UNC79: variants seen among roughly 807,000 people sequenced by gnomAD.
The protein encoded by UNC79 is unc-79 subunit of NALCN channel complex.
UNC79 carries 37 observed loss-of-function variants against 283.1 expected under a neutral mutation model. The observed-to-expected ratio is 0.13, with a 90% CI of 0.10 to 0.17. The LOEUF is 0.17. Ranked by LOEUF, UNC79 falls within the 10% of genes least tolerant of loss-of-function variation. UNC79 has a pLI of 1.00. For synonymous variants in UNC79, 1,107 were observed against 1,200.2 expected, an observed-to-expected ratio of 0.92 and a Z score of 1.61; for missense variants, 2,272 against 3,211.1, an observed-to-expected ratio of 0.71 and a Z score of 7.07.
At chr14:93,407,945 T>G (rs1006006849) in intron 1 of UNC79, among the ~76,000 whole-genome samples, 1 of 152,186 alleles carries the variant, frequency 6.6e-6, no homozygotes, top group Non-Finnish European at 1.5e-5. Context: ...CCTACAGTTA[T>G]AGCCAACATT....
chr14:93,526,447 C>T (rs8018060), intron 8 of UNC79, among the ~76,000 whole-genome samples: 69 of 152,162 alleles, frequency 4.5e-4, no homozygotes, highest in African/African-American at 6.3e-4. Context: ...ATCAGTAATA[C>T]TTATCATGGT....
At chr14:93,374,433 C>T (rs371623790) in intron 1 of UNC79, among the ~76,000 whole-genome samples, 8 of 152,306 alleles carry the variant, frequency 5.3e-5, no homozygotes, top group Admixed American at 2.0e-4. Flanking sequence ...GCTGGGTTTC[C>T]GACTTGCTTG....
In UNC79 at chr14:93,447,069, T is replaced by C. The variant is rs74374125; in HGVS notation, c.22+16018T>C. 4.9e-3 allele frequency among the ~76,000 whole-genome samples: 739 copies of C among 152,348 alleles called. 3 individuals carry two copies. The highest frequency in any genetic ancestry group is 9.7e-3 in the Admixed American group (148 of 15,304). On this transcript the variant is annotated intron_variant, in intron 1 of 48. Coordinates refer to ENST00000555664, the Ensembl canonical transcript of UNC79. ...TGGAAGCTCTGTTACTGGGTTCATATACATTTATGATTGTTATGTTTTCCT... is the reference window on the plus strand; with the variant it reads ...TGGAAGCTCTGTTACTGGGTTCATACACATTTATGATTGTTATGTTTTCCT...
chr14:93,608,828 T>A (rs2066080975), intron 26 of UNC79, among the ~76,000 whole-genome samples: 1 of 152,204 alleles, frequency 6.6e-6, no homozygotes, highest in Admixed American at 6.5e-5. Flanking sequence ...CTCTGACATA[T>A]TTATTTGAGT....
At chr14:93,393,886 G>A (rs1354365690) in intron 1 of UNC79, among the ~76,000 whole-genome samples, 1 of 151,618 alleles carries the variant, frequency 6.6e-6, no homozygotes. Context: ...ATTTTATTTG[G>A]GGAGTTACTA....
At chr14:93,589,791 A>G (rs2064520882) in intron 22 of UNC79, among the ~76,000 whole-genome samples, 2 of 152,188 alleles carry the variant, frequency 1.3e-5, no homozygotes, top group South Asian at 2.1e-4. Context: ...GGCCAGGCAC[A>G]GTGGCTCATC....
rs764237195 is a variant in UNC79, at chr14:93,653,923, G to T, written c.6197-17G>T. ...TCCCAGACACCCAAACACTAAATCC[G>T]ATCGTTGACTTTCCAGATGGGACTT... is the stretch of plus-strand genomic sequence containing the variant. On this transcript the variant is annotated splice_polypyrimidine_tract_variant and intron_variant, in intron 36 of 48. Transcript: ENST00000555664. 1 of 1,613,994 alleles carries T rather than the reference G, an allele frequency of 6.2e-7. No individual in the cohort carries two copies. Among genetic ancestry groups the T allele is most frequent in the Non-Finnish European group, 8.5e-7 (1 of 1,179,986 alleles).
At chr14:93,622,625 A>G in exon 30 of UNC79, 2 of 1,614,194 alleles carry the variant, frequency 1.2e-6, no homozygotes, top group Non-Finnish European at 1.7e-6. Flanking sequence ...AGAGAACCCC[A>G]CAGAAAGTGA....
chr14:93,346,982 G>T (rs925462057), intron 1 of UNC79, among the ~76,000 whole-genome samples: 1 of 151,858 alleles, frequency 6.6e-6, no homozygotes, highest in South Asian at 2.1e-4. Context: ...GGGGTGTGCT[G>T]GGTGGAAGGG....
At chr14:93,414,064 G>A (rs1284630458) in intron 1 of UNC79, among the ~76,000 whole-genome samples, 1 of 152,104 alleles carries the variant, frequency 6.6e-6, no homozygotes, top group Non-Finnish European at 1.5e-5. Context: ...GGCTTTTGTT[G>A]CCATTGCTTT....
intron 1 of UNC79, among the ~76,000 whole-genome samples, chr14:93,453,910 T>C (rs191091206): frequency 1.1e-4 from 16 of 152,322 alleles, no homozygotes; most frequent in African/African-American, 3.4e-4. Context: ...AATAGTGCAA[T>C]AGAAACTGGA....
rs146027189 is a variant in UNC79 at position 93,702,252 on chromosome 14, G to A, written c.7549-2373G>A. ...TGGTACCAATCTTTGTAATCCCACC[G>A]TTTTGTTATGAGGGTTGGGGGACAG... On this transcript the variant is annotated intron_variant, in intron 47 of 48. Coordinates refer to ENST00000555664, the Ensembl canonical transcript of UNC79. 3.8e-3 allele frequency among the ~76,000 whole-genome samples: 578 copies of A among 152,142 alleles called. 2 individuals carry two copies. Among genetic ancestry groups the A allele is most frequent in the African/African-American group, 0.013 (543 of 41,538 alleles).
chr14:93,467,078 A>C (rs763632279), intron 1 of UNC79, among the ~76,000 whole-genome samples: 1 of 151,864 alleles, frequency 6.6e-6, no homozygotes, highest in Non-Finnish European at 1.5e-5. Flanking sequence ...CTTACTTAAC[A>C]CTCATCATGT....
At chr14:93,550,922 T>C (rs2061859231) in intron 14 of UNC79, among the ~76,000 whole-genome samples, 1 of 152,222 alleles carries the variant, frequency 6.6e-6, no homozygotes. Context: ...ACTTCCTAGA[T>C]AAGGCTTTAT....
exon 29 of UNC79, chr14:93,618,284 G>C (rs766693222): frequency 4.3e-6 from 7 of 1,613,984 alleles, no homozygotes; most frequent in Non-Finnish European, 5.9e-6. Flanking sequence ...ATAGCTGCAA[G>C]CCCCATGCCA....
chr14:93,552,034 C>T (rs2061926113), intron 14 of UNC79, among the ~76,000 whole-genome samples: 1 of 152,148 alleles, frequency 6.6e-6, no homozygotes, highest in African/African-American at 2.4e-5. Flanking sequence ...ACTGTTGAAG[C>T]CTGGAAGGCA....
chr14:93,639,699 G>A (rs906875807), intron 32 of UNC79, among the ~76,000 whole-genome samples: 12 of 152,140 alleles, frequency 7.9e-5, no homozygotes, highest in South Asian at 2.1e-4. Context: ...TCTTATACTC[G>A]TGTAACCTTT....
At chr14:93,659,340 T>C (rs1566876097) in intron 39 of UNC79, 79 bp downstream of exon 42, 2 of 1,163,954 alleles carry the variant, frequency 1.7e-6, no homozygotes, top group East Asian at 2.4e-5. Context: ...GTAGCAATAC[T>C]GAAGACATAG....
At chr14:93,472,076 G>A (rs896438279) in intron 2 of UNC79, among the ~76,000 whole-genome samples, 4 of 151,978 alleles carry the variant, frequency 2.6e-5, no homozygotes, top group Non-Finnish European at 5.9e-5. Flanking sequence ...AAGGCAAAAT[G>A]TTGTTCTCCT....
Sources: allele counts gnomAD v4.1 joint callset (sites outside exome capture counted in the v4.1 genomes callset), GRCh38; gene constraint gnomAD v4.1.1; transcripts MANE v1.5; gene names NCBI Gene and HGNC (gene_info 2026-07-23, HGNC 2026-07-21).